PTPRD: variants seen among roughly 807,000 people sequenced by gnomAD.
PTPRD encodes the protein receptor-type tyrosine-protein phosphatase delta.
In PTPRD, 34 loss-of-function variants were observed where a neutral mutation model predicts 214.5. The ratio of observed to expected loss-of-function variants is 0.16; its 90% CI spans 0.12 to 0.21. The LOEUF (loss-of-function observed/expected upper bound fraction) is 0.21, where lower values mean the gene tolerates loss of function less well. Ranked by LOEUF, PTPRD falls within the 10% of genes least tolerant of loss-of-function variation. PTPRD has a pLI of 1.00. For synonymous variants in PTPRD, 1,128 were observed against 845.7 expected, an observed-to-expected ratio of 1.33 and a Z score of -5.79; for missense variants, 2,545 against 2,398.7, an observed-to-expected ratio of 1.06 and a Z score of -1.27.
At chr9:8,755,840 A>G (rs1342514445) in intron 11 of PTPRD, among the ~76,000 whole-genome samples, 2 of 152,212 alleles carry the variant, frequency 1.3e-5, no homozygotes, top group Non-Finnish European at 2.9e-5. Flanking sequence ...AGAACAGTAA[A>G]TGACCAGCCC....
Position 8,801,694 on chromosome 9 carries a change from C to T in PTPRD, c.-103-67748G>A, listed in dbSNP as rs1029875449. Among the ~76,000 whole-genome samples the T allele has an allele frequency of 4.6e-5, 7 of 152,080 alleles. No individual in the cohort carries two copies. The East Asian group carries it at 7.7e-4, about 17-fold the overall frequency. On this transcript the variant is annotated intron_variant, in intron 11 of 45. Transcript: ENST00000381196. Reference sequence around the variant, plus strand: ...TGGCCTCACTGCACTCCAGCCTGGGCGACAGAGCAAGACTGTCTCAATTTA... The same window carrying T: ...TGGCCTCACTGCACTCCAGCCTGGGTGACAGAGCAAGACTGTCTCAATTTA...
chr9:10,556,294 T>TATATGTATTA lies in PTPRD; in HGVS notation c.-600+56103_-600+56104insTAATACATAT. On this transcript the variant is annotated intron_variant, in intron 2 of 45. Coordinates refer to ENST00000381196, the MANE Select transcript of PTPRD (RefSeq NM_002839.4). ...TAGAAATGTAAAATAATTCGAAATTTTACAATGTATGTGATCTTAATAGAG... is the reference window on the plus strand; with the variant it reads ...TAGAAATGTAAAATAATTCGAAATTTATATGTATTATACAATGTATGTGATCTTAATAGAG... Among the ~76,000 whole-genome samples, 5 of 151,952 alleles carry TATATGTATTA rather than the reference T, an allele frequency of 3.3e-5. No homozygotes were observed. The Admixed American group carries it at 3.3e-4, about 10-fold the overall frequency.
At chr9:9,360,506 A>C (rs1283187311) in intron 9 of PTPRD, among the ~76,000 whole-genome samples, 1 of 151,128 alleles carries the variant, frequency 6.6e-6, no homozygotes, top group East Asian at 1.9e-4. Flanking sequence ...GGTCTATGGG[A>C]GTGTGAATGC....
intron 11 of PTPRD, among the ~76,000 whole-genome samples, chr9:8,770,276 T>G (rs58000229): frequency 0.046 from 6,964 of 151,886 alleles, 398 homozygotes; most frequent in African/African-American, 0.13. Context: ...AGAGCTAGAT[T>G]CCGTCTCAAA....
chr9:8,862,432 AG>A (rs1357584709), intron 11 of PTPRD, among the ~76,000 whole-genome samples: 1 of 152,236 alleles, frequency 6.6e-6, no homozygotes, highest in Non-Finnish European at 1.5e-5. Context: ...ATATTAATTA[AG>A]GTGCCATGCT....
intron 7 of PTPRD, among the ~76,000 whole-genome samples, chr9:9,603,760 G>C (rs570889680): frequency 6.6e-6 from 1 of 152,210 alleles, no homozygotes; most frequent in East Asian, 1.9e-4. Flanking sequence ...CAAGTCCCTG[G>C]TGGCCAAAAG....
At chr9:8,557,767 AG>A (rs753098869) in intron 14 of PTPRD, among the ~76,000 whole-genome samples, 18,748 of 138,126 alleles carry the variant, frequency 0.14, 4,521 homozygotes, top group African/African-American at 0.49. Context: ...AAAAAAAAAA[AG>A]AAAAACAAAA....
At chr9:9,849,108 G>A (rs956908259) in intron 5 of PTPRD, among the ~76,000 whole-genome samples, 13 of 151,828 alleles carry the variant, frequency 8.6e-5, no homozygotes, top group African/African-American at 2.9e-4. Context: ...ACACAGGGTG[G>A]TCACTTAAAA....
chr9:8,850,924 T>C (rs181653771), intron 11 of PTPRD, among the ~76,000 whole-genome samples: 1 of 152,306 alleles, frequency 6.6e-6, no homozygotes, highest in Non-Finnish European at 1.5e-5. Context: ...ATTTTAAACA[T>C]TGAAAACATA....
At chr9:8,939,424 C>T (rs576270540) in intron 11 of PTPRD, among the ~76,000 whole-genome samples, 2 of 152,166 alleles carry the variant, frequency 1.3e-5, no homozygotes, top group East Asian at 1.9e-4. Context: ...TTGAAAGATA[C>T]AAAGTTCTGT....
intron 3 of PTPRD, among the ~76,000 whole-genome samples, chr9:10,315,445 T>TATAGGTTTCATATATGAAACA (rs2096395975): frequency 1.3e-5 from 2 of 151,972 alleles, no homozygotes; most frequent in Admixed American, 6.6e-5. Context: ...TATATGAAAC[T>TATAGGTTTCATATATGAAACA]ATAGGTTTCA....
At chr9:8,373,105 T>C (rs10977013) in intron 39 of PTPRD, among the ~76,000 whole-genome samples, 12,133 of 152,122 alleles carry the variant, frequency 0.08, 610 homozygotes, top group Middle Eastern at 0.17. Context: ...ATGGCTATTG[T>C]GGCTTTTTGC....
chr9:8,738,740 C>T lies in PTPRD; in HGVS notation c.-103-4794G>A, dbSNP rs865945042. 6.6e-5 allele frequency among the ~76,000 whole-genome samples: 10 copies of T among 151,432 alleles called. No homozygotes were observed. The South Asian group carries it at 1.7e-3, about 26-fold the overall frequency. On this transcript the variant is annotated intron_variant, in intron 11 of 45. Coordinates refer to ENST00000381196, the MANE Select transcript of PTPRD (RefSeq NM_002839.4). ...GAGAACCAAATCATTACTCTGAAAA[C>T]GGGAACAGAAAAGGAAAGAATTAAG...
chr9:9,125,236 C>A (rs1298363962), intron 10 of PTPRD, among the ~76,000 whole-genome samples: 1 of 152,162 alleles, frequency 6.6e-6, no homozygotes, highest in African/African-American at 2.4e-5. Flanking sequence ...GAGAGTCTAA[C>A]AAATCCCTGC....
chr9:8,417,010 A>T (rs1386313789), intron 35 of PTPRD, among the ~76,000 whole-genome samples: 1 of 152,068 alleles, frequency 6.6e-6, no homozygotes, highest in Non-Finnish European at 1.5e-5. Context: ...GTAAATTATA[A>T]ATTTATTATC....
At position 9,771,155 on chromosome 9, in the gene PTPRD, C is replaced by A. The variant is rs76145711; in HGVS notation, c.-367-4304G>T. On this transcript the variant is annotated intron_variant, in intron 5 of 45. Transcript: ENST00000381196. ...TTGTAAAGTTGCTCAAGATTATGTT[C>A]TTTTTCCCACCTTTATTAACTATTA... Among the ~76,000 whole-genome samples, 606 of 152,188 alleles carry A rather than the reference C, an allele frequency of 4.0e-3. 8 individuals carry two copies. The highest frequency in any genetic ancestry group is 5.8e-3 in the East Asian group (30 of 5,184).
chr9:8,967,431 T>C (rs1372329799), intron 11 of PTPRD, among the ~76,000 whole-genome samples: 2 of 152,090 alleles, frequency 1.3e-5, no homozygotes, highest in African/African-American at 2.4e-5. Flanking sequence ...AGATGCCCCA[T>C]TAACAGTGGG....
rs375054073 is a variant in PTPRD at position 10,106,126 on chromosome 9, A to T, written c.-544-72336T>A. 4.1e-4 allele frequency among the ~76,000 whole-genome samples: 62 copies of T among 151,742 alleles called. 1 individual carries two copies. The East Asian group carries it at 0.01, about 25-fold the overall frequency. On this transcript the variant is annotated intron_variant, in intron 3 of 45. Coordinates refer to ENST00000381196, the MANE Select transcript of PTPRD (RefSeq NM_002839.4). ...TAAAAATATTGCACTTATTGAATTCAATAAGTTTTTGAATTCAATTTTGTG... is the reference window on the plus strand; with the variant it reads ...TAAAAATATTGCACTTATTGAATTCTATAAGTTTTTGAATTCAATTTTGTG...
At chr9:10,549,227 G>A (rs1195742939) in intron 2 of PTPRD, among the ~76,000 whole-genome samples, 1 of 152,064 alleles carries the variant, frequency 6.6e-6, no homozygotes, top group Admixed American at 6.6e-5. Context: ...TGTAAGTACT[G>A]CTTTTAAAAG....
Sources: allele counts gnomAD v4.1 joint callset (sites outside exome capture counted in the v4.1 genomes callset), GRCh38; gene constraint gnomAD v4.1.1; transcripts MANE v1.5; gene names NCBI Gene and HGNC (gene_info 2026-07-23, HGNC 2026-07-21).